The following ARHGAP10 variants were observed in gnomAD, a reference collection of about 807,000 sequenced individuals.
ARHGAP10 encodes the protein Rho GTPase activating protein 10, also known as rho GTPase-activating protein 10.
A neutral mutation model predicts 108.6 loss-of-function variants in ARHGAP10; 87 were observed. The ratio of observed to expected loss-of-function variants is 0.80; its 90% CI spans 0.67 to 0.96. ARHGAP10 has a LOEUF of 0.96. Ranked by LOEUF, ARHGAP10 falls within the 40% of genes least tolerant of loss-of-function variation. ARHGAP10 has a pLI of 0.00. For synonymous variants in ARHGAP10, 347 were observed against 341.1 expected, an observed-to-expected ratio of 1.02 and a Z score of -0.19; for missense variants, 939 against 954.5, an observed-to-expected ratio of 0.98 and a Z score of 0.21.
At position 148,072,467 on chromosome 4, in the gene ARHGAP10, C is replaced by T. The variant is rs934925932; in HGVS notation, c.*386C>T. On this transcript the variant is annotated 3_prime_UTR_variant, in exon 23 of 23. Coordinates refer to ENST00000336498, the MANE Select transcript of ARHGAP10 (RefSeq NM_024605.4). ...TCTCCTCCCTGAGCACCTGCTGCTG[C>T]GATTTTAAAGGGAACTGTACTACTC... The T allele has an allele frequency of 5.3e-5, 11 of 206,446 alleles. No individual in the cohort carries two copies. Among genetic ancestry groups the T allele is most frequent in the Admixed American group, 1.7e-4 (3 of 17,494 alleles). The allele number at this position is 206,446 out of a possible 1,614,324, so 12.8% of individuals were successfully genotyped here.
chr4:147,979,484 T>A lies in ARHGAP10; in HGVS notation c.1716+12645T>A, dbSNP rs943451794. On this transcript the variant is annotated intron_variant, in intron 18 of 22. Coordinates refer to ENST00000336498, the MANE Select transcript of ARHGAP10 (RefSeq NM_024605.4). Reference sequence around the variant, plus strand: ...TAGTATTGTTTGAAGCCGGCTTTGTTCCTTTTGCTTAGGATTGCCTTGACT... The same window carrying A: ...TAGTATTGTTTGAAGCCGGCTTTGTACCTTTTGCTTAGGATTGCCTTGACT... Among the ~76,000 whole-genome samples, 5 of 152,328 alleles carry A rather than the reference T, an allele frequency of 3.3e-5. No individual in the cohort carries two copies. The East Asian group carries it at 9.6e-4, about 29-fold the overall frequency.
intron 13 of ARHGAP10, among the ~76,000 whole-genome samples, chr4:147,937,323 C>G (rs1051096249): frequency 6.6e-6 from 1 of 152,132 alleles, no homozygotes; most frequent in Non-Finnish European, 1.5e-5. Flanking sequence ...TCTCTTCTTA[C>G]AAGGCCTCCA....
chr4:147,899,540 T>G (rs1736144216), intron 10 of ARHGAP10, among the ~76,000 whole-genome samples: 1 of 152,214 alleles, frequency 6.6e-6, no homozygotes, highest in Non-Finnish European at 1.5e-5. Context: ...ACATTCCAGG[T>G]GGAAGCAACA....
chr4:147,837,650 T>TTTTTTTTTTTTTG (rs71250029), intron 3 of ARHGAP10, among the ~76,000 whole-genome samples: 1 of 112,006 alleles, frequency 8.9e-6, no homozygotes, highest in Non-Finnish European at 1.8e-5. Flanking sequence ...ACTGTTTTTT[T>TTTTTTTTTTTTTG]TTTTTTTTTT....
intron 1 of ARHGAP10, among the ~76,000 whole-genome samples, chr4:147,736,354 A>G (rs1728411997): frequency 6.6e-6 from 1 of 152,172 alleles, no homozygotes; most frequent in African/African-American, 2.4e-5. Context: ...GGCTGTCTTT[A>G]TGTTTACTGT....
intron 18 of ARHGAP10, among the ~76,000 whole-genome samples, chr4:147,977,653 C>CT (rs202134962): frequency 4.0e-4 from 60 of 151,254 alleles, no homozygotes; most frequent in Admixed American, 1.2e-3. Flanking sequence ...AATTGTGTGA[C>CT]TTTTTTTTTC....
intron 19 of ARHGAP10, among the ~76,000 whole-genome samples, chr4:148,040,941 G>A (rs886357483): frequency 1.3e-5 from 2 of 151,946 alleles, no homozygotes; most frequent in Non-Finnish European, 2.9e-5. Flanking sequence ...CAGTTACTTT[G>A]TTCTCAGCAA....
chr4:147,878,134 C>T (rs978114617), intron 8 of ARHGAP10, among the ~76,000 whole-genome samples: 1 of 151,872 alleles, frequency 6.6e-6, no homozygotes, highest in Non-Finnish European at 1.5e-5. Flanking sequence ...GAGCCTCTGT[C>T]ACCCAGGCTG....
chr4:147,927,921 G>A (rs191673028), intron 13 of ARHGAP10, among the ~76,000 whole-genome samples: 10 of 152,262 alleles, frequency 6.6e-5, no homozygotes, highest in Admixed American at 4.6e-4. Flanking sequence ...TAATGAAATC[G>A]GAAACTCCCT....
At chr4:147,855,913 T>C (rs1734067789) in intron 4 of ARHGAP10, among the ~76,000 whole-genome samples, 1 of 152,214 alleles carries the variant, frequency 6.6e-6, no homozygotes, top group Non-Finnish European at 1.5e-5. Flanking sequence ...AGAATTAACA[T>C]GCTTTGTTTA....
At chr4:148,064,391 T>A in intron 21 of ARHGAP10, 25 bp from the exon 22 acceptor site, 1 of 1,605,898 alleles carries the variant, frequency 6.2e-7, no homozygotes. Context: ...TTCATTGGTG[T>A]CTTTTGTATT....
At chr4:147,822,994 T>A in intron 3 of ARHGAP10, 37 bp downstream of exon 3, 1 of 1,576,762 alleles carries the variant, frequency 6.3e-7, no homozygotes, top group Non-Finnish European at 8.7e-7. Context: ...AAGTCAGCTT[T>A]CAAGGGGGAA....
intron 19 of ARHGAP10, among the ~76,000 whole-genome samples, chr4:148,043,115 G>A (rs190771992): frequency 7.2e-5 from 11 of 152,288 alleles, no homozygotes; most frequent in South Asian, 4.1e-4. Flanking sequence ...ATATGATGGC[G>A]AAATGCAAAA....
intron 18 of ARHGAP10, among the ~76,000 whole-genome samples, chr4:148,001,591 G>A (rs1018430832): frequency 6.6e-6 from 1 of 151,006 alleles, no homozygotes; most frequent in Non-Finnish European, 1.5e-5. Context: ...TTATTTCATT[G>A]AGCAGTGCTT....
chr4:147,978,825 A>T (rs190660046), intron 18 of ARHGAP10, among the ~76,000 whole-genome samples: 1 of 152,198 alleles, frequency 6.6e-6, no homozygotes, highest in Admixed American at 6.5e-5. Flanking sequence ...ATGTTGAACA[A>T]TTTTTTCATA....
At chr4:147,784,334 C>A (rs1730712413) in intron 1 of ARHGAP10, among the ~76,000 whole-genome samples, 1 of 126,866 alleles carries the variant, frequency 7.9e-6, no homozygotes, top group East Asian at 2.8e-4. Context: ...ATTTACATAA[C>A]ATTAAATTAT....
At chr4:147,963,399 C>T (rs892865093) in intron 16 of ARHGAP10, among the ~76,000 whole-genome samples, 8 of 152,164 alleles carry the variant, frequency 5.3e-5, no homozygotes, top group African/African-American at 1.7e-4. Flanking sequence ...ACTACAAAAC[C>T]GTTTCTAACC....
intron 1 of ARHGAP10, among the ~76,000 whole-genome samples, chr4:147,803,088 A>C (rs543125623): frequency 3.3e-5 from 5 of 151,992 alleles, no homozygotes; most frequent in Admixed American, 3.3e-4. Context: ...GGTACACTGC[A>C]ACCTCTGCCT....
intron 1 of ARHGAP10, among the ~76,000 whole-genome samples, chr4:147,818,339 G>A (rs1732343100): frequency 6.6e-6 from 1 of 151,962 alleles, no homozygotes; most frequent in Admixed American, 6.5e-5. Flanking sequence ...GCCGAGGCAG[G>A]TGGATCACCT....
Sources: allele counts gnomAD v4.1 joint callset (sites outside exome capture counted in the v4.1 genomes callset), GRCh38; gene constraint gnomAD v4.1.1; transcripts MANE v1.5; gene names NCBI Gene and HGNC (gene_info 2026-07-23, HGNC 2026-07-21).